CEP63: variants seen among roughly 807,000 people sequenced by gnomAD.
The protein encoded by CEP63 is centrosomal protein of 63 kDa.
A neutral mutation model predicts 89.1 loss-of-function variants in CEP63; 84 were observed. The observed-to-expected ratio is 0.94, with a 90% CI of 0.79 to 1.13. CEP63 has a LOEUF of 1.13. Among genes scored for constraint, CEP63 ranks in the 50% most tolerant of loss-of-function variants. The pLI is 0.00. For synonymous variants in CEP63, 267 were observed against 272.5 expected, an observed-to-expected ratio of 0.98 and a Z score of 0.20; for missense variants, 838 against 813.3, an observed-to-expected ratio of 1.03 and a Z score of -0.37.
At chr3:134,597,193 GC>G in the CEP63 span, among the ~76,000 whole-genome samples, 1 of 152,168 alleles carries the variant, frequency 6.6e-6, no homozygotes, top group Admixed American at 6.5e-5. Flanking sequence ...GATCCTCTTG[GC>G]TGTTGTGTTG....
chr3:134,733,137 T>C, the CEP63 span, among the ~76,000 whole-genome samples: 1 of 152,174 alleles, frequency 6.6e-6, no homozygotes. Context: ...TAAGCTTGTC[T>C]TCCCTTGGTT....
rs768926286 is a variant in CEP63, at chr3:134,559,304, A to C, written c.1828A>C (p.Arg610=). 1.2e-6 allele frequency: 2 copies of C among 1,614,146 alleles called. No individual in the cohort carries two copies. Among genetic ancestry groups the C allele is most frequent in the Non-Finnish European group, 1.7e-6 (2 of 1,180,024 alleles). ...SPQISPCSST[R]SLTSYSLCKT... is the part of the protein sequence containing the mutation. ...TCAAATCAGCCCTTGCAGCTCCACCAGGTCTTTGACTTCCTACTCTCTATG... is the reference window on the plus strand; with the variant it reads ...TCAAATCAGCCCTTGCAGCTCCACCCGGTCTTTGACTTCCTACTCTCTATG... Residue 610 remains arginine, a synonymous_variant, in exon 14 of 15, where the codon AGG becomes CGG. Coordinates refer to ENST00000675561, the MANE Select transcript of CEP63 (RefSeq NM_001353108.3).
the CEP63 span, among the ~76,000 whole-genome samples, chr3:134,652,629 T>C: frequency 6.7e-6 from 1 of 149,246 alleles, no homozygotes; most frequent in African/African-American, 2.5e-5. Flanking sequence ...TGTCTGTATG[T>C]GTGCAGGTAC....
chr3:134,603,481 A>T, the CEP63 span: 40 of 1,072,752 alleles, frequency 3.7e-5, no homozygotes, highest in Non-Finnish European at 5.0e-5. Flanking sequence ...GATTTCATGC[A>T]GACTCAGTGG....
intron 8 of CEP63, 56 bp downstream of exon 8, chr3:134,546,344 C>T: frequency 7.1e-7 from 1 of 1,408,204 alleles, no homozygotes; most frequent in Admixed American, 2.0e-5. Context: ...AGGTATTAAG[C>T]ACTAGGCTTA....
chr3:134,513,016 T>C (rs1395390509), intron 3 of CEP63, among the ~76,000 whole-genome samples: 1 of 152,210 alleles, frequency 6.6e-6, no homozygotes, highest in Non-Finnish European at 1.5e-5. Flanking sequence ...TCTTCTGCCA[T>C]TGTGTTTAAA....
In CEP63 at chr3:134,561,831, A is replaced by C; in HGVS notation, c.*296A>C. 1 of 1,200,098 alleles carries C rather than the reference A, an allele frequency of 8.3e-7. No individual in the cohort carries two copies. Among genetic ancestry groups the C allele is most frequent in the Non-Finnish European group, 1.0e-6 (1 of 957,306 alleles). 74.3% of individuals were successfully genotyped at this position (1,200,098 alleles called of 1,614,324 possible). On this transcript the variant is annotated 3_prime_UTR_variant, in exon 15 of 15. Coordinates refer to ENST00000675561, the MANE Select transcript of CEP63 (RefSeq NM_001353108.3). ...ACTTACCTTGCTGACTTAAATGTGA[A>C]TAGCTATGTACTAATTGAAATAAGG... is the stretch of plus-strand genomic sequence containing the variant.
chr3:134,629,942 A>G, the CEP63 span, among the ~76,000 whole-genome samples: 1 of 152,218 alleles, frequency 6.6e-6, no homozygotes, highest in Non-Finnish European at 1.5e-5. Context: ...TAAACAATGT[A>G]CTGAATGTAA....
chr3:134,496,353 A>C, intron 2 of CEP63, among the ~76,000 whole-genome samples: 1 of 150,986 alleles, frequency 6.6e-6, no homozygotes, highest in South Asian at 2.1e-4. Flanking sequence ...ATAGTGTATT[A>C]ATATATGTAA....
intron 5 of CEP63, among the ~76,000 whole-genome samples, chr3:134,534,072 C>T (rs999767796): frequency 1.3e-5 from 2 of 151,964 alleles, no homozygotes; most frequent in Non-Finnish European, 2.9e-5. Flanking sequence ...TTCATGTTAC[C>T]AGCCTATACT....
chr3:134,529,955 G>A (rs1949528815), intron 3 of CEP63, among the ~76,000 whole-genome samples: 3 of 142,646 alleles, frequency 2.1e-5, no homozygotes, highest in African/African-American at 7.8e-5. Context: ...CTCACTGCAA[G>A]CTCCGTCCTC....
At chr3:134,745,214 C>T in the CEP63 span, among the ~76,000 whole-genome samples, 34 of 152,188 alleles carry the variant, frequency 2.2e-4, no homozygotes, top group African/African-American at 8.2e-4. Context: ...TCAGGGATAA[C>T]AATTCTTTGT....
the CEP63 span, among the ~76,000 whole-genome samples, chr3:134,605,256 G>A: frequency 2.6e-5 from 4 of 152,106 alleles, no homozygotes; most frequent in African/African-American, 9.7e-5. Flanking sequence ...TGGCTTCCAG[G>A]GCCACAGGGA....
At chr3:134,728,733 T>A in the CEP63 span, among the ~76,000 whole-genome samples, 1 of 152,220 alleles carries the variant, frequency 6.6e-6, no homozygotes. Context: ...AAATTTTATA[T>A]GATGCCTTAT....
At chr3:134,613,051 C>G in the CEP63 span, 1 of 154,278 alleles carries the variant, frequency 6.5e-6, no homozygotes, top group South Asian at 2.0e-4. Flanking sequence ...ATATCACTTT[C>G]TAGGATGATG....
At chr3:134,738,288 A>ACACACACACC in the CEP63 span, among the ~76,000 whole-genome samples, 4 of 141,344 alleles carry the variant, frequency 2.8e-5, no homozygotes, top group Middle Eastern at 3.8e-3. Flanking sequence ...ACACACACAC[A>ACACACACACC]CCACAATATC....
chr3:134,506,480 T>C (rs2108397823), intron 2 of CEP63, among the ~76,000 whole-genome samples: 1 of 152,324 alleles, frequency 6.6e-6, no homozygotes, highest in Non-Finnish European at 1.5e-5. Flanking sequence ...ACAGAGGCGC[T>C]TGTTGGCTGT....
the CEP63 span, chr3:134,607,380 C>G: frequency 1.0e-6 from 1 of 985,584 alleles, no homozygotes; most frequent in Non-Finnish European, 1.2e-6. Flanking sequence ...CCCCATTGCC[C>G]TGCAATGTGG....
chr3:134,552,016 C>T lies in CEP63; in HGVS notation c.1467+4C>T, dbSNP rs780577517. 8 of 1,541,422 alleles carry T rather than the reference C, an allele frequency of 5.2e-6. No homozygotes were observed. In the Admixed American group the frequency reaches 1.4e-4, roughly 26 times the overall value. On this transcript the variant is annotated splice_donor_region_variant and intron_variant, in intron 12 of 14. Transcript: ENST00000675561. ...ATTGGAATTGGGTTTACATGAGGTA[C>T]ATAAATAGAAACTTAAGTTTTTCTA... is the stretch of plus-strand genomic sequence containing the variant.
Sources: gnomAD v4.1 joint callset for allele counts (sites outside exome capture counted in the v4.1 genomes callset) on GRCh38, gnomAD v4.1.1 for gene constraint, MANE v1.5 for transcripts, NCBI Gene and HGNC (gene_info 2026-07-23, HGNC 2026-07-21) for gene names.